Variants in BAIAP3 observed in about 807,000 individuals in gnomAD.
BAIAP3 encodes BAI1 associated protein 3.
In BAIAP3, 180 loss-of-function variants were observed where a neutral mutation model predicts 149.7. The ratio of observed to expected loss-of-function variants is 1.20; its 90% CI spans 1.07 to 1.36. The LOEUF (loss-of-function observed/expected upper bound fraction) is 1.36, where lower values mean the gene tolerates loss of function less well. BAIAP3 is among the 40% of genes most tolerant of loss of function. The pLI is 0.00. For missense variants in BAIAP3, 1,767 were observed against 1,563.4 expected, an observed-to-expected ratio of 1.13 and a Z score of -2.20; for synonymous variants, 845 against 670.7, an observed-to-expected ratio of 1.26 and a Z score of -4.02.
chr16:1,338,596 A>C lies in BAIAP3; in HGVS notation c.47A>C (p.Gln16Pro). 1 of 1,609,046 alleles carries C rather than the reference A, an allele frequency of 6.2e-7. No individual in the cohort carries two copies. Among genetic ancestry groups the C allele is most frequent in the South Asian group, 1.1e-5 (1 of 90,368 alleles). Residue 16 changes from glutamine to proline, a missense_variant, in exon 2 of 34, where the codon CAG becomes CCG. Transcript: ENST00000426824. Reference protein sequence around the residue: ...DIKSSVLRQVQVCPSFRRRTE... With the variant: ...DIKSSVLRQVPVCPSFRRRTE... ...AAGAGCAGCGTGCTCAGGCAGGTGC[A>C]GGTGTGCCCGTCCTTCCGCCGCAGG...
At chr16:1,336,380 C>T (rs2033458840) in intron 1 of BAIAP3, 1 of 985,256 alleles carries the variant, frequency 1.0e-6, no homozygotes, top group Admixed American at 6.2e-5. Flanking sequence ...CAGGGGAAGG[C>T]ACTGATAGGT....
At chr16:1,336,448 C>T (rs2033464142) in intron 1 of BAIAP3, 1 of 949,856 alleles carries the variant, frequency 1.1e-6, no homozygotes, top group Non-Finnish European at 1.3e-6. Context: ...GAGACGCAAA[C>T]CCTCCTTCCT....
rs564100741 is a variant in BAIAP3, at chr16:1,349,330, G to A, written c.*848G>A. ...GTGTGGGGAGAACCCGGACAGCTCA[G>A]TCCTGCCAGCAGCCGCAAAGAGCCG... is the stretch of plus-strand genomic sequence containing the variant. On this transcript the variant is annotated 3_prime_UTR_variant, in exon 34 of 34. Coordinates refer to ENST00000426824, the MANE Select transcript of BAIAP3 (RefSeq NM_001199097.2). 7.7e-7 allele frequency: 1 copy of A among 1,294,244 alleles called. No homozygotes were observed. The highest frequency in any genetic ancestry group is 1.5e-5 in the African/African-American group (1 of 68,828). The allele number at this position is 1,294,244 out of a possible 1,614,324, so 80.2% of individuals were successfully genotyped here. A position where few individuals can be genotyped will look rare whatever the true frequency, so the allele number is the denominator to read the frequency against.
In BAIAP3 at chr16:1,345,443, C is replaced by G. The variant is rs1168145583; in HGVS notation, c.2064+71C>G. ...CCAGCCTCCCCCGCCTCCCCAGCAA[C>G]CCCAGCCTCCCCAGCAACCCCCAGC... On this transcript the variant is annotated intron_variant, in intron 22 of 33. Transcript: ENST00000426824. 7 of 1,377,780 alleles carry G rather than the reference C, an allele frequency of 5.1e-6. No individual in the cohort carries two copies. The Admixed American group carries it at 7.3e-5, about 14-fold the overall frequency. 85.3% of individuals were successfully genotyped at this position (1,377,780 alleles called of 1,614,324 possible).
At chr16:1,338,813 T>A (rs1185892296) in intron 2 of BAIAP3, 89 bp from the exon 3 acceptor site, 13 of 1,588,160 alleles carry the variant, frequency 8.2e-6, no homozygotes, top group Non-Finnish European at 1.1e-5. Flanking sequence ...ACTGTGGATG[T>A]CACATGGCCC....
At position 1,338,916 on chromosome 16, in the gene BAIAP3, G is replaced by A. The variant is rs771792597; in HGVS notation, c.146G>A (p.Gly49Asp). 1.2e-6 allele frequency: 2 copies of A among 1,612,990 alleles called. No homozygotes were observed. Among genetic ancestry groups the A allele is most frequent in the African/African-American group, 1.3e-5 (1 of 74,934 alleles). The change falls in exon 3 of 34, where the codon GGC (glycine) becomes GAC (aspartate). Residue 49 changes from glycine to aspartate, a missense_variant. By Grantham distance (94) the Gly-to-Asp change is moderately conservative (BLOSUM62 -1). Transcript: ENST00000426824. Reference protein sequence around the residue: ...PATGAWKPGDGVEFFAHMRLM... With the variant: ...PATGAWKPGDDVEFFAHMRLM... ...TCTTTCTCCAGGAAACCCGGGGATGGCGTGGAGTTCTTTGCCCACATGCGC... is the reference window on the plus strand; with the variant it reads ...TCTTTCTCCAGGAAACCCGGGGATGACGTGGAGTTCTTTGCCCACATGCGC...
intron 30 of BAIAP3, 34 bp downstream of exon 30, chr16:1,347,659 G>A (rs779842686): frequency 1.1e-4 from 176 of 1,612,682 alleles, no homozygotes; most frequent in Admixed American, 2.0e-4. Context: ...TGCTGCCTCC[G>A]AGGCTCCCAG....
chr16:1,334,832 A>G, intron 1 of BAIAP3: 2 of 1,382,970 alleles, frequency 1.4e-6, no homozygotes, highest in Non-Finnish European at 2.0e-6. Context: ...AGGGAGGAAG[A>G]GCAGGGAAGC....
intron 1 of BAIAP3, chr16:1,334,818 G>C: frequency 6.9e-7 from 1 of 1,444,328 alleles, no homozygotes; most frequent in Non-Finnish European, 9.5e-7. Flanking sequence ...GAGTCGGGGG[G>C]CTGAGGGAGG....
intron 1 of BAIAP3, chr16:1,336,461 C>T: frequency 2.2e-6 from 2 of 921,272 alleles, no homozygotes; most frequent in African/African-American, 1.8e-5. Context: ...TCCTTCCTGT[C>T]CTCAGCTCTA....
intron 15 of BAIAP3, among the ~76,000 whole-genome samples, chr16:1,343,733 G>T (rs1198317351): frequency 1.3e-5 from 2 of 152,266 alleles, no homozygotes; most frequent in Admixed American, 1.3e-4. Flanking sequence ...GGACAGGGCT[G>T]GGGAAAGCCG....
In BAIAP3 at chr16:1,347,375, G is replaced by GT; in HGVS notation, c.2823+7dup. ...TGAGGGATGGAAGCTACAAGGTGAG[G>GT]TGGGACCCTCTGTGGGGCGGGGGTG... On this transcript the variant is annotated splice_region_variant and intron_variant, in intron 29 of 33. Coordinates refer to ENST00000426824, the MANE Select transcript of BAIAP3 (RefSeq NM_001199097.2). The GT allele has an allele frequency of 6.2e-7, 1 of 1,613,344 alleles. No homozygotes were observed. The highest frequency in any genetic ancestry group is 8.5e-7 in the Non-Finnish European group (1 of 1,179,878).
Position 1,346,879 on chromosome 16 carries a change from A to G in BAIAP3, c.2675A>G (p.Gln892Arg). ...VLEALWELLL[Q>R]AILQALGANR... ...GAGGCCCTGTGGGAGCTACTCCTCC[A>G]GGCCATTCTGCAGGCGCTGGGTGCA... Residue 892 changes from glutamine (Q) to arginine (R), a missense_variant, in exon 28 of 34, where the codon CAG becomes CGG. Physicochemically the swap from Gln to Arg is conservative, Grantham distance 43. Coordinates refer to ENST00000426824, the MANE Select transcript of BAIAP3 (RefSeq NM_001199097.2). 1 of 1,609,032 alleles carries G rather than the reference A, an allele frequency of 6.2e-7. No individual in the cohort carries two copies. Among genetic ancestry groups the G allele is most frequent in the East Asian group, 2.2e-5 (1 of 44,808 alleles).
intron 15 of BAIAP3, 82 bp from the exon 16 acceptor site, chr16:1,343,940 T>C: frequency 6.3e-7 from 1 of 1,576,780 alleles, no homozygotes; most frequent in Non-Finnish European, 8.6e-7. Flanking sequence ...GGGAAGGGTG[T>C]TGCGGGCCAA....
At chr16:1,335,471 C>T (rs892390268) in intron 1 of BAIAP3, among the ~76,000 whole-genome samples, 1 of 152,170 alleles carries the variant, frequency 6.6e-6, no homozygotes, top group Admixed American at 6.5e-5. Context: ...ACGGGGGGTC[C>T]CCTGCACCTG....
In BAIAP3 at chr16:1,344,222, C is replaced by T. The variant is rs768195231; in HGVS notation, c.1512-5C>T. ...GCCCCACGTCAGCGTGCTGCCCCCA[C>T]CCAGGTGTCTGGGCAAGCTGCAGCT... On this transcript the variant is annotated splice_region_variant and splice_polypyrimidine_tract_variant and intron_variant, in intron 16 of 33. Coordinates refer to ENST00000426824, the MANE Select transcript of BAIAP3 (RefSeq NM_001199097.2). The T allele has an allele frequency of 3.7e-6, 6 of 1,613,308 alleles. No homozygotes were observed. The highest frequency in any genetic ancestry group is 5.1e-6 in the Non-Finnish European group (6 of 1,179,918).
chr16:1,346,099 G>A (rs771045830), intron 24 of BAIAP3, 21 bp downstream of exon 24: 5 of 1,606,996 alleles, frequency 3.1e-6, no homozygotes, highest in Admixed American at 1.7e-5. Flanking sequence ...AGCTGGGGAG[G>A]GGAGCCGGCA....
At position 1,348,608 on chromosome 16, in the gene BAIAP3, T is replaced by C. The variant is rs2034556542; in HGVS notation, c.*126T>C. 1.4e-5 allele frequency: 14 copies of C among 966,518 alleles called. No individual in the cohort carries two copies. Among genetic ancestry groups the C allele is most frequent in the Middle Eastern group, 3.2e-4 (1 of 3,104 alleles). 59.9% of individuals were successfully genotyped at this position (966,518 alleles called of 1,614,324 possible). A position where few individuals can be genotyped will look rare whatever the true frequency, so the allele number is the denominator to read the frequency against. On this transcript the variant is annotated 3_prime_UTR_variant, in exon 34 of 34. Transcript: ENST00000426824. ...CCCCTCCTGTGCTGTGACGTGTGTG[T>C]CGTGGCTGGCCCCGCGGCGCCTACC...
rs1451020465 is a variant in BAIAP3 at position 1,345,224 on chromosome 16, A to T, written c.1941-25A>T. The T allele has an allele frequency of 2.5e-5, 40 of 1,611,422 alleles. 1 individual carries two copies. Among genetic ancestry groups the T allele is most frequent in the African/African-American group, 1.3e-4 (10 of 74,848 alleles). On this transcript the variant is annotated intron_variant, in intron 21 of 33. Transcript: ENST00000426824. ...GGTTAAGGTGTCTGAGTCAGGGCCG[A>T]GCCCTCACAACCCTCCCACCACAGG...
Sources: gnomAD v4.1 joint callset for allele counts (sites outside exome capture counted in the v4.1 genomes callset) on GRCh38, gnomAD v4.1.1 for gene constraint, MANE v1.5 for transcripts, NCBI Gene and HGNC (gene_info 2026-07-23, HGNC 2026-07-21) for gene names.